GTF2I: variants seen among roughly 807,000 people sequenced by gnomAD.
GTF2I encodes general transcription factor II-I.
A neutral mutation model predicts 67.6 loss-of-function variants in GTF2I; 12 were observed. The observed-to-expected ratio is 0.18, with a 90% CI of 0.11 to 0.29. The LOEUF (loss-of-function observed/expected upper bound fraction) is 0.29, where lower values mean the gene tolerates loss of function less well. Among genes scored for constraint, GTF2I ranks in the 10% least tolerant of loss-of-function variants. The pLI is 1.00. For synonymous variants in GTF2I, 149 were observed against 197.0 expected, an observed-to-expected ratio of 0.76 and a Z score of 2.04; for missense variants, 271 against 580.1, an observed-to-expected ratio of 0.47 and a Z score of 5.47.
chr7:74,677,313 T>A (rs1554392686), intron 1 of GTF2I, among the ~76,000 whole-genome samples: 2 of 152,176 alleles, frequency 1.3e-5, no homozygotes, highest in African/African-American at 2.4e-5. Flanking sequence ...AACTTTTTCT[T>A]ACCACTCATT....
chr7:74,678,127 T>G (rs1173732984), intron 1 of GTF2I, among the ~76,000 whole-genome samples: 1 of 151,762 alleles, frequency 6.6e-6, no homozygotes, highest in Non-Finnish European at 1.5e-5. Context: ...CCATCATGGC[T>G]CACTGCAGCC....
chr7:74,681,459 A>G (rs1254492356), intron 1 of GTF2I, among the ~76,000 whole-genome samples: 1 of 147,380 alleles, frequency 6.8e-6, no homozygotes, highest in Non-Finnish European at 1.5e-5. Context: ...AGAAAAAAAG[A>G]AAAAAAAATG....
intron 10 of GTF2I, among the ~76,000 whole-genome samples, chr7:74,715,911 G>A (rs1241873797): frequency 6.6e-6 from 1 of 152,020 alleles, no homozygotes; most frequent in Admixed American, 6.5e-5. Context: ...TTTTCAGACC[G>A]TAAGCATTGC....
chr7:74,682,236 G>C (rs1393508458), intron 1 of GTF2I, among the ~76,000 whole-genome samples: 3 of 152,178 alleles, frequency 2.0e-5, no homozygotes, highest in African/African-American at 7.2e-5. Flanking sequence ...TGAGAATAAA[G>C]GATATGGAAG....
chr7:74,726,591 C>G (rs810366), intron 12 of GTF2I: 125,457 of 152,218 alleles, frequency 0.82, 51,816 homozygotes, highest in East Asian at 0.95. Context: ...TGCCTATAAT[C>G]TCCGCACTTT....
intron 9 of GTF2I, among the ~76,000 whole-genome samples, chr7:74,713,117 A>T (rs1554402924): frequency 6.6e-6 from 1 of 152,228 alleles, no homozygotes; most frequent in African/African-American, 2.4e-5. Context: ...CAAATATGGG[A>T]CATTAAAATA....
At chr7:74,661,908 AT>A (rs1804531975) in intron 1 of GTF2I, among the ~76,000 whole-genome samples, 1 of 152,124 alleles carries the variant, frequency 6.6e-6, no homozygotes, top group Non-Finnish European at 1.5e-5. Context: ...TTATTTATTA[AT>A]TTAGTCGCAG....
chr7:74,718,259 T>A (rs1792510275), intron 11 of GTF2I, among the ~76,000 whole-genome samples: 1 of 152,216 alleles, frequency 6.6e-6, no homozygotes, highest in Non-Finnish European at 1.5e-5. Flanking sequence ...TCTCTCAACC[T>A]TTGCACAATG....
At chr7:74,693,177 T>C (rs868936502) in intron 3 of GTF2I, among the ~76,000 whole-genome samples, 5 of 152,050 alleles carry the variant, frequency 3.3e-5, no homozygotes, top group Non-Finnish European at 7.4e-5. Flanking sequence ...CAGCATGTGC[T>C]TACTTGGTTC....
chr7:74,671,302 G>A (rs748267156), intron 1 of GTF2I, among the ~76,000 whole-genome samples: 10 of 151,838 alleles, frequency 6.6e-5, no homozygotes, highest in Non-Finnish European at 1.2e-4. Flanking sequence ...GTCCAGGCTG[G>A]TCTTGAACTC....
intron 1 of GTF2I, among the ~76,000 whole-genome samples, chr7:74,670,938 C>G (rs1269712500): frequency 1.3e-5 from 2 of 151,996 alleles, no homozygotes; most frequent in Non-Finnish European, 2.9e-5. Context: ...AAAATGGTGT[C>G]TTAAACTGTG....
At chr7:74,735,972 A>G (rs1317086735) in intron 17 of GTF2I, among the ~76,000 whole-genome samples, 1 of 16,294 alleles carries the variant, frequency 6.1e-5, no homozygotes, top group Non-Finnish European at 1.4e-4. Context: ...CCCGGCCCCC[A>G]TTCTATGAAT....
At position 74,702,374 on chromosome 7, in the gene GTF2I, C is replaced by T. The variant is rs782791555; in HGVS notation, c.586+1740C>T. Among the ~76,000 whole-genome samples, 13 of 152,176 alleles carry T rather than the reference C, an allele frequency of 8.5e-5. 1 individual carries two copies. Among genetic ancestry groups the T allele is most frequent in the African/African-American group, 2.6e-4 (11 of 41,520 alleles). ...TCCTGAGTAGCTGGGATTACAGGCA[C>T]GCGCCACCACACCCGGCTAATTTTT... On this transcript the variant is annotated intron_variant, in intron 6 of 34. Coordinates refer to ENST00000573035, the MANE Select transcript of GTF2I (RefSeq NM_032999.4).
chr7:74,699,160 CT>C, intron 4 of GTF2I, 65 bp downstream of exon 4: 1 of 854,680 alleles, frequency 1.2e-6, no homozygotes, highest in Non-Finnish European at 1.7e-6. Flanking sequence ...TAAAGGGAAG[CT>C]TATGTAATTG....
intron 1 of GTF2I, among the ~76,000 whole-genome samples, chr7:74,664,088 G>A (rs1554387641): frequency 6.6e-6 from 1 of 152,034 alleles, no homozygotes; most frequent in African/African-American, 2.4e-5. Flanking sequence ...CTTGGCCTCC[G>A]AAAGTGCTGG....
intron 6 of GTF2I, among the ~76,000 whole-genome samples, chr7:74,702,096 A>T (rs1789856828): frequency 6.6e-6 from 1 of 152,098 alleles, no homozygotes; most frequent in East Asian, 1.9e-4. Context: ...GGTTGTTTCC[A>T]CCTTTGGGTA....
intron 1 of GTF2I, among the ~76,000 whole-genome samples, chr7:74,669,820 C>T (rs1378515485): frequency 2.6e-5 from 4 of 152,120 alleles, no homozygotes; most frequent in Non-Finnish European, 5.9e-5. Flanking sequence ...TGTGAGCCAC[C>T]GTGTCCGGCC....
intron 29 of GTF2I, among the ~76,000 whole-genome samples, 165 bp downstream of exon 29, chr7:74,753,342 G>T (rs1795942813): frequency 6.6e-6 from 1 of 152,158 alleles, no homozygotes; most frequent in African/African-American, 2.4e-5. Context: ...TACCATTAGT[G>T]TTACACTATT....
chr7:74,696,527 C>G (rs1372844760), intron 3 of GTF2I, among the ~76,000 whole-genome samples: 1 of 150,468 alleles, frequency 6.6e-6, no homozygotes, highest in East Asian at 2.0e-4. Context: ...GAGTCTCGCT[C>G]TGTCGCCCAG....
Sources: allele counts gnomAD v4.1 joint callset (sites outside exome capture counted in the v4.1 genomes callset), GRCh38; gene constraint gnomAD v4.1.1; transcripts MANE v1.5; gene names NCBI Gene and HGNC (gene_info 2026-07-23, HGNC 2026-07-21).